Variants in FHIT observed in about 807,000 individuals in gnomAD.
FHIT encodes bis(5'-adenosyl)-triphosphatase.
FHIT carries 19 observed loss-of-function variants against 17.9 expected under a neutral mutation model. The observed-to-expected ratio is 1.06, with a 90% CI of 0.74 to 1.56. The LOEUF is 1.56. FHIT is among the 40% of genes most tolerant of loss of function. The pLI, the probability that FHIT is intolerant of heterozygous loss-of-function variation, is 0.00. For missense variants in FHIT, 248 were observed against 189.2 expected, an observed-to-expected ratio of 1.31 and a Z score of -1.82; for synonymous variants, 81 against 69.7, an observed-to-expected ratio of 1.16 and a Z score of -0.81.
chr3:60,859,900 C>T (rs1198476624), intron 3 of FHIT, among the ~76,000 whole-genome samples: 3 of 150,098 alleles, frequency 2.0e-5, no homozygotes, highest in Non-Finnish European at 4.4e-5. Context: ...AAAAATTAGC[C>T]AGGTGTGGTG....
At chr3:60,675,644 G>A (rs1398337916) in intron 4 of FHIT, among the ~76,000 whole-genome samples, 1 of 152,202 alleles carries the variant, frequency 6.6e-6, no homozygotes, top group Non-Finnish European at 1.5e-5. Flanking sequence ...CTAAGCAGTA[G>A]TCTGCTCTCT....
At chr3:60,832,068 G>GTAA (rs782068388) in intron 3 of FHIT, among the ~76,000 whole-genome samples, 4 of 151,636 alleles carry the variant, frequency 2.6e-5, no homozygotes, top group African/African-American at 9.7e-5. Flanking sequence ...TTAGCCCCAA[G>GTAA]TAATAATAAT....
intron 4 of FHIT, among the ~76,000 whole-genome samples, chr3:60,677,534 C>T (rs1389222847): frequency 6.6e-6 from 1 of 152,030 alleles, no homozygotes; most frequent in Non-Finnish European, 1.5e-5. Flanking sequence ...TACATATATA[C>T]ACACACATAT....
At chr3:60,536,110 A>G (rs775006829) in intron 5 of FHIT, 2 of 152,208 alleles carry the variant, frequency 1.3e-5, no homozygotes, top group Non-Finnish European at 2.9e-5. Context: ...ATTCATATGC[A>G]CACAATCAGG....
At chr3:60,394,169 T>C (rs1701343742) in intron 5 of FHIT, among the ~76,000 whole-genome samples, 1 of 152,038 alleles carries the variant, frequency 6.6e-6, no homozygotes, top group African/African-American at 2.4e-5. Flanking sequence ...GGTGTAGGAA[T>C]GGGAATAGCA....
intron 4 of FHIT, among the ~76,000 whole-genome samples, chr3:60,701,695 G>T (rs1054196059): frequency 2.0e-5 from 3 of 152,150 alleles, no homozygotes; most frequent in East Asian, 3.9e-4. Flanking sequence ...CCTGTGGAGC[G>T]ATTTGGGAGG....
At chr3:60,115,832 G>A (rs1358513187) in intron 5 of FHIT, among the ~76,000 whole-genome samples, 1 of 151,962 alleles carries the variant, frequency 6.6e-6, no homozygotes, top group African/African-American at 2.4e-5. Flanking sequence ...GGTATTATGT[G>A]CATGTATAAT....
chr3:60,596,887 T>G (rs141417499), intron 4 of FHIT, among the ~76,000 whole-genome samples: 11 of 152,186 alleles, frequency 7.2e-5, no homozygotes, highest in African/African-American at 2.6e-4. Flanking sequence ...GTTAGTATTG[T>G]CCCCCTGTGC....
At chr3:60,858,836 T>A (rs190090435) in intron 3 of FHIT, among the ~76,000 whole-genome samples, 2 of 152,264 alleles carry the variant, frequency 1.3e-5, no homozygotes, top group East Asian at 1.9e-4. Context: ...TGGCTAGCAA[T>A]CCCTCTGGAC....
chr3:60,526,944 G>A (rs561479315), intron 5 of FHIT, among the ~76,000 whole-genome samples: 1 of 152,148 alleles, frequency 6.6e-6, no homozygotes, highest in Admixed American at 6.5e-5. Flanking sequence ...TTCAACTGTC[G>A]ATCTTTGTCC....
intron 5 of FHIT, among the ~76,000 whole-genome samples, chr3:60,326,671 A>G (rs1308812765): frequency 6.6e-6 from 1 of 152,106 alleles, no homozygotes; most frequent in Non-Finnish European, 1.5e-5. Flanking sequence ...AATGGTAATT[A>G]CTGTGTACGA....
chr3:59,841,981 C>A lies in FHIT; in HGVS notation c.348+80365G>T, dbSNP rs192363302. Among the ~76,000 whole-genome samples the A allele has an allele frequency of 8.4e-4, 128 of 152,052 alleles. 2 individuals carry two copies. The highest frequency in any genetic ancestry group is 1.8e-4 in the Non-Finnish European group (12 of 68,016). On this transcript the variant is annotated intron_variant, in intron 8 of 9. Transcript: ENST00000492590. ...ACAATAAGTACATTTACATTGTGGG[C>A]TACAATTGCCACCAACCATGTGCAG...
chr3:60,602,019 T>A (rs1375717301), intron 4 of FHIT, among the ~76,000 whole-genome samples: 7 of 151,834 alleles, frequency 4.6e-5, no homozygotes, highest in Non-Finnish European at 1.0e-4. Context: ...AAGGAACTTG[T>A]TCAAGCAAAC....
At chr3:59,944,048 C>T (rs1272436564) in intron 7 of FHIT, among the ~76,000 whole-genome samples, 6 of 152,176 alleles carry the variant, frequency 3.9e-5, no homozygotes. Context: ...TGTCTAAATA[C>T]TAGCTATGAT....
chr3:60,673,540 G>T (rs2040556558), intron 4 of FHIT, among the ~76,000 whole-genome samples: 10 of 151,990 alleles, frequency 6.6e-5, no homozygotes, highest in Admixed American at 5.9e-4. Context: ...GCAGCGGTGG[G>T]AGGGAGAGCA....
rs750168873 is a variant in FHIT at position 60,571,335 on chromosome 3, C to CAATAAAAAAAAA, written c.-17-34357_-17-34356insTTTTTTTTTATT. ...TGGGCAACAGGGCAAGACTCCATCG[C>CAATAAAAAAAAA]AAAAAAAAAAAAAAAAAAAAAAAAA... On this transcript the variant is annotated intron_variant, in intron 4 of 9. Transcript: ENST00000492590. 1.1e-4 allele frequency among the ~76,000 whole-genome samples: 6 copies of CAATAAAAAAAAA among 54,668 alleles called. 1 individual carries two copies. The highest frequency in any genetic ancestry group is 1.5e-4 in the African/African-American group (2 of 12,936). The allele number at this position is 54,668 out of a possible 152,430, so 35.9% of individuals were successfully genotyped here.
intron 3 of FHIT, among the ~76,000 whole-genome samples, chr3:60,984,538 T>A (rs567028322): frequency 6.6e-6 from 1 of 152,332 alleles, no homozygotes; most frequent in Admixed American, 6.5e-5. Flanking sequence ...TCACTGGATC[T>A]GATATTTAAG....
chr3:60,573,331 C>G (rs1400802462), intron 4 of FHIT, among the ~76,000 whole-genome samples: 1 of 152,168 alleles, frequency 6.6e-6, no homozygotes. Flanking sequence ...TGCAGAAGCA[C>G]CCATCTCCTT....
At chr3:61,030,396 G>A (rs954962496) in intron 3 of FHIT, among the ~76,000 whole-genome samples, 4 of 152,184 alleles carry the variant, frequency 2.6e-5, no homozygotes, top group African/African-American at 9.7e-5. Flanking sequence ...ATGGTATGTA[G>A]CCACTAGCCA....
Sources: gnomAD v4.1 joint callset for allele counts (sites outside exome capture counted in the v4.1 genomes callset) on GRCh38, gnomAD v4.1.1 for gene constraint, MANE v1.5 for transcripts, NCBI Gene and HGNC (gene_info 2026-07-23, HGNC 2026-07-21) for gene names.